DSTN: variants seen among roughly 807,000 people sequenced by gnomAD.
DSTN encodes destrin.
In DSTN, 10 loss-of-function variants were observed where a neutral mutation model predicts 16.8. That is an observed-to-expected ratio of 0.60 (90% CI 0.37 to 1.01). The LOEUF (loss-of-function observed/expected upper bound fraction) is 1.01, where lower values mean the gene tolerates loss of function less well. Among genes scored for constraint, DSTN ranks in the 50% least tolerant of loss-of-function variants. The pLI is 0.01. For missense variants in DSTN, 141 were observed against 196.7 expected (o/e 0.72, Z 1.69); for synonymous variants, 57 against 58.9 (o/e 0.97, Z 0.14).
rs1292846236 is a variant in DSTN at position 17,607,194 on chromosome 20, C to T, written c.*48C>T. The T allele has an allele frequency of 1.3e-6, 2 of 1,559,348 alleles. No homozygotes were observed. Among genetic ancestry groups the T allele is most frequent in the Non-Finnish European group, 1.8e-6 (2 of 1,139,688 alleles). On this transcript the variant is annotated 3_prime_UTR_variant, in exon 4 of 4. Coordinates refer to ENST00000246069, the MANE Select transcript of DSTN (RefSeq NM_006870.4). ...AAGCTTCCATGTTTAATGTTATCCTCTTGCTATATAAATAAAGCAAATATA... is the reference window on the plus strand; with the variant it reads ...AAGCTTCCATGTTTAATGTTATCCTTTTGCTATATAAATAAAGCAAATATA...
At chr20:17,596,427 G>C (rs935598540) in intron 1 of DSTN, among the ~76,000 whole-genome samples, 1 of 152,090 alleles carries the variant, frequency 6.6e-6, no homozygotes, top group Non-Finnish European at 1.5e-5. Context: ...TGGATGTGTC[G>C]TACTGTGCCA....
chr20:17,574,195 C>G (rs1006240481), intron 1 of DSTN, among the ~76,000 whole-genome samples: 2 of 152,018 alleles, frequency 1.3e-5, no homozygotes, highest in African/African-American at 4.8e-5. Context: ...AGCGGGAGAC[C>G]CTGTCTCAAA....
At chr20:17,595,447 C>T (rs989949147) in intron 1 of DSTN, among the ~76,000 whole-genome samples, 4 of 152,162 alleles carry the variant, frequency 2.6e-5, no homozygotes, top group African/African-American at 7.2e-5. Context: ...GGCTAACTCT[C>T]CCATCTGTGC....
At chr20:17,574,865 C>CTTTTCTTTTTTTTTTTTTTTTTTTTTT (rs1354147534) in intron 1 of DSTN, among the ~76,000 whole-genome samples, 4 of 64,254 alleles carry the variant, frequency 6.2e-5, no homozygotes, top group African/African-American at 2.4e-4. Context: ...CTTTTCTTTT[C>CTTTTCTTTTTTTTTTTTTTTTTTTTTT]TTTTGTTTTT....
intron 1 of DSTN, among the ~76,000 whole-genome samples, chr20:17,585,664 T>C (rs1295032519): frequency 1.3e-5 from 2 of 151,648 alleles, no homozygotes; most frequent in Non-Finnish European, 2.9e-5. Context: ...CACACACACA[T>C]ATATATACAT....
rs764204848 is a variant in DSTN, at chr20:17,604,544, T to A, written c.312-11T>A. The A allele has an allele frequency of 3.4e-5, 55 of 1,604,600 alleles. No homozygotes were observed. The highest frequency in any genetic ancestry group is 4.6e-5 in the Non-Finnish European group (54 of 1,177,960). The stretch of plus-strand genomic sequence containing the variant: ...AACCACTTTTTTCATTTTTGGCATC[T>A]TTCTATCTAGGGCACCAGAACTAGC... On this transcript the variant is annotated splice_polypyrimidine_tract_variant and intron_variant, in intron 2 of 3. Transcript: ENST00000246069.
intron 1 of DSTN, among the ~76,000 whole-genome samples, chr20:17,571,930 A>T (rs969683855): frequency 3.3e-5 from 5 of 152,230 alleles, no homozygotes; most frequent in African/African-American, 1.2e-4. Flanking sequence ...GGAGATCAAG[A>T]AGACCTTACA....
At chr20:17,595,523 C>T (rs1199120494) in intron 1 of DSTN, among the ~76,000 whole-genome samples, 5 of 151,906 alleles carry the variant, frequency 3.3e-5, no homozygotes, top group African/African-American at 1.2e-4. Context: ...AAGATTATCT[C>T]CTCTGGAATT....
In DSTN at chr20:17,570,119, C is replaced by A; in HGVS notation, c.-90C>A. On this transcript the variant is annotated 5_prime_UTR_variant, in exon 1 of 4. Transcript: ENST00000246069. ...CCGCCGCGTCAGCTCAGCGCTGGGT[C>A]TCTCGGTCCCGCAGCCGTGAGGAGG... 1 of 1,503,192 alleles carries A rather than the reference C, an allele frequency of 6.7e-7. No homozygotes were observed. The highest frequency in any genetic ancestry group is 1.2e-5 in the South Asian group (1 of 81,804). 93.1% of individuals were successfully genotyped at this position (1,503,192 alleles called of 1,614,324 possible). A position where few individuals can be genotyped will look rare whatever the true frequency, so the allele number is the denominator to read the frequency against.
chr20:17,596,614 T>C (rs1373124801), intron 1 of DSTN: 1 of 985,160 alleles, frequency 1.0e-6, no homozygotes, highest in African/African-American at 1.8e-5. Flanking sequence ...CTCTGAATAT[T>C]TGTAATTGTG....
At chr20:17,582,377 C>T (rs1322507491) in intron 1 of DSTN, among the ~76,000 whole-genome samples, 1 of 152,008 alleles carries the variant, frequency 6.6e-6, no homozygotes, top group African/African-American at 2.4e-5. Flanking sequence ...CCACACCCGG[C>T]CCCGAAGTAT....
At chr20:17,578,724 G>GC (rs368579497) in intron 1 of DSTN, among the ~76,000 whole-genome samples, 1 of 152,162 alleles carries the variant, frequency 6.6e-6, no homozygotes, top group African/African-American at 2.4e-5. Context: ...ACTTCGGGAG[G>GC]CCAAGGTGGG....
rs1453548759 is a variant in DSTN, at chr20:17,608,974, G to A, written c.*1828G>A. 6.6e-6 allele frequency: 1 copy of A among 152,182 alleles called. No individual in the cohort carries two copies. The highest frequency in any genetic ancestry group is 2.4e-5 in the African/African-American group (1 of 41,446). The allele number at this position is 152,182 out of a possible 1,614,324, so 9.4% of individuals were successfully genotyped here. ...TAGTAACGTGCTGTCCAGGTTTGTG[G>A]TCTAGGAGTAATAGGCTCTACCATA... is the stretch of plus-strand genomic sequence containing the variant. On this transcript the variant is annotated 3_prime_UTR_variant, in exon 4 of 4. Coordinates refer to ENST00000246069, the MANE Select transcript of DSTN (RefSeq NM_006870.4).
At chr20:17,570,326 C>G (rs895248505) in intron 1 of DSTN, 115 bp downstream of exon 1, 8 of 1,314,692 alleles carry the variant, frequency 6.1e-6, no homozygotes, top group Non-Finnish European at 7.8e-6. Context: ...GGGAGGGACC[C>G]GGTCCGGCTG....
intron 1 of DSTN, among the ~76,000 whole-genome samples, chr20:17,598,861 G>A (rs1371005223): frequency 6.6e-6 from 1 of 152,078 alleles, no homozygotes; most frequent in Non-Finnish European, 1.5e-5. Flanking sequence ...TCCCTCTAAA[G>A]TGCTGAGACT....
chr20:17,570,790 C>A (rs1039933778), intron 1 of DSTN, among the ~76,000 whole-genome samples: 3 of 152,244 alleles, frequency 2.0e-5, no homozygotes, highest in African/African-American at 7.2e-5. Context: ...AACGGGGTGG[C>A]CTTGCAGCTC....
At chr20:17,602,200 C>T (rs1200609392) in intron 2 of DSTN, among the ~76,000 whole-genome samples, 2 of 152,092 alleles carry the variant, frequency 1.3e-5, no homozygotes, top group African/African-American at 2.4e-5. Context: ...TCAGGGTGCA[C>T]GTATTCAGGC....
intron 1 of DSTN, among the ~76,000 whole-genome samples, chr20:17,585,528 T>A (rs1434466945): frequency 6.6e-6 from 1 of 152,180 alleles, no homozygotes; most frequent in African/African-American, 2.4e-5. Flanking sequence ...ATACTGAAAG[T>A]ATTATTCACC....
intron 1 of DSTN, among the ~76,000 whole-genome samples, chr20:17,594,683 T>A (rs1040615692): frequency 6.6e-6 from 1 of 152,198 alleles, no homozygotes; most frequent in Non-Finnish European, 1.5e-5. Flanking sequence ...GATGTATACA[T>A]ATCCTAATCT....
Sources: gnomAD v4.1 joint callset for allele counts (sites outside exome capture counted in the v4.1 genomes callset) on GRCh38, gnomAD v4.1.1 for gene constraint, MANE v1.5 for transcripts, NCBI Gene and HGNC (gene_info 2026-07-23, HGNC 2026-07-21) for gene names.